Variants in SCN9A observed in about 807,000 individuals in gnomAD.
SCN9A encodes the protein sodium channel protein type 9 subunit alpha.
In SCN9A, 131 loss-of-function variants were observed where a neutral mutation model predicts 187.0. The observed-to-expected ratio is 0.70, with a 90% confidence interval of 0.61 to 0.81. The LOEUF (loss-of-function observed/expected upper bound fraction) is 0.81, where lower values mean the gene tolerates loss of function less well. Among genes scored for constraint, SCN9A ranks in the 30% least tolerant of loss-of-function variants. The pLI, the probability that SCN9A is intolerant of heterozygous loss-of-function variation, is 0.00. For synonymous variants in SCN9A, 809 were observed against 808.6 expected (o/e 1.00, Z -0.01); for missense variants, 2,252 against 2,396.6 (o/e 0.94, Z 1.26).
intron 16 of SCN9A, 134 bp from the exon 17 acceptor site, chr2:166,273,009 C>A: frequency 2.2e-6 from 1 of 458,662 alleles, no homozygotes; most frequent in Non-Finnish European, 3.8e-6. Flanking sequence ...CCTTTTCACA[C>A]ACGGATAAGA....
chr2:166,257,498 A>T (rs1422697608), intron 17 of SCN9A, among the ~76,000 whole-genome samples: 1 of 151,674 alleles, frequency 6.6e-6, no homozygotes, highest in Non-Finnish European at 1.5e-5. Context: ...TAATATTGAA[A>T]ATATAAATAG....
intron 14 of SCN9A, 60 bp from the exon 15 acceptor site, chr2:166,278,373 AT>A: frequency 7.5e-7 from 1 of 1,329,138 alleles, no homozygotes. Context: ...CAACACAATG[AT>A]AATAATCACT....
intron 1 of SCN9A, among the ~76,000 whole-genome samples, chr2:166,374,484 T>TA (rs1183802556): frequency 6.6e-6 from 1 of 152,102 alleles, no homozygotes; most frequent in Non-Finnish European, 1.5e-5. Flanking sequence ...CAATAATTTT[T>TA]AAAAAATCTC....
At chr2:166,225,882 C>T (rs1162792745) in intron 24 of SCN9A, among the ~76,000 whole-genome samples, 2 of 152,066 alleles carry the variant, frequency 1.3e-5, no homozygotes, top group African/African-American at 4.8e-5. Flanking sequence ...AATATATTTT[C>T]TTAGAGGCTT....
intron 26 of SCN9A, among the ~76,000 whole-genome samples, 173 bp from the exon 27 acceptor site, chr2:166,200,037 G>T (rs1693426128): frequency 9.8e-6 from 1 of 102,362 alleles, no homozygotes; most frequent in Non-Finnish European, 1.8e-5. Flanking sequence ...TCGCTCTGTC[G>T]CCCAGGCTGG....
At chr2:166,320,746 C>T (rs533297953) in intron 1 of SCN9A, among the ~76,000 whole-genome samples, 4 of 152,244 alleles carry the variant, frequency 2.6e-5, no homozygotes, top group Non-Finnish European at 5.9e-5. Flanking sequence ...TTATTATCTG[C>T]TGTTTTCCAA....
At chr2:166,228,120 C>T (rs963353088) in intron 22 of SCN9A, among the ~76,000 whole-genome samples, 2 of 151,298 alleles carry the variant, frequency 1.3e-5, no homozygotes, top group Non-Finnish European at 2.9e-5. Flanking sequence ...ATTTTTGAAG[C>T]AATATTTGAA....
At position 166,198,675 on chromosome 2, in the gene SCN9A, T is replaced by G. The variant is rs755454879; in HGVS notation, c.5964A>C (p.Lys1988Asn). The G allele has an allele frequency of 1.3e-6, 2 of 1,585,070 alleles. No homozygotes were observed. Among genetic ancestry groups the G allele is most frequent in the Admixed American group, 3.6e-5 (2 of 54,810 alleles). Reference sequence around the variant, plus strand: ...ACAATATATCAAAAATGAAGCTCTATTTTTTGCTTTCCTTGCTGTCTTTCC... The same window carrying G: ...ACAATATATCAAAAATGAAGCTCTAGTTTTTGCTTTCCTTGCTGTCTTTCC... ...DKGKDSKESKK is the reference protein window; with the variant it reads ...DKGKDSKESKN The change falls in exon 27 of 27, where the codon AAA (lysine) becomes AAC (asparagine). Residue 1988 changes from lysine to asparagine, a missense_variant. Around this residue, in one of 7 missense-constraint regions of SCN9A, gnomAD observed 345 missense variants for 344.6 expected, o/e 1.00. Transcript: ENST00000642356.
Position 166,288,521 on chromosome 2 carries a change from C to T in SCN9A, c.1230G>A (p.Gln410=), listed in dbSNP as rs1209489135. 6.2e-7 allele frequency: 1 copy of T among 1,613,164 alleles called. No individual in the cohort carries two copies. The highest frequency in any genetic ancestry group is 1.3e-5 in the African/African-American group (1 of 74,926). ...VVAMAYEEQN[Q]ANIEEAKQKE... ...TCTGTTTAGCTTCTTCAATGTTTGC[C>T]TGGTTCTGTTCTTCATATGCCATGG... Residue 410 remains glutamine, a synonymous_variant, in exon 10 of 27, where the codon CAG becomes CAA. Transcript: ENST00000642356.
At chr2:166,231,023 A>C (rs925611252) in intron 21 of SCN9A, among the ~76,000 whole-genome samples, 6 of 152,284 alleles carry the variant, frequency 3.9e-5, no homozygotes, top group South Asian at 2.1e-4. Context: ...CTCTTTTTGC[A>C]TGGTTAACAA....
chr2:166,216,275 T>C (rs1694328271), intron 24 of SCN9A, among the ~76,000 whole-genome samples: 1 of 152,044 alleles, frequency 6.6e-6, no homozygotes. Flanking sequence ...ACGGCTAACA[T>C]TATGCAAAAA....
At chr2:166,373,964 A>G (rs918174578) in intron 1 of SCN9A, among the ~76,000 whole-genome samples, 5 of 152,220 alleles carry the variant, frequency 3.3e-5, no homozygotes, top group Admixed American at 2.6e-4. Context: ...TTAAATAAAT[A>G]GAACCCTACT....
intron 18 of SCN9A, among the ~76,000 whole-genome samples, chr2:166,245,961 G>A (rs1695769999): frequency 1.3e-5 from 2 of 151,988 alleles, no homozygotes; most frequent in Admixed American, 1.3e-4. Flanking sequence ...TGATCCAGTT[G>A]ATATAAGGTT....
intron 17 of SCN9A, among the ~76,000 whole-genome samples, chr2:166,257,086 T>C (rs1696311083): frequency 6.6e-6 from 1 of 151,610 alleles, no homozygotes; most frequent in South Asian, 2.1e-4. Context: ...AAAGTGGCCA[T>C]TGATATTCAA....
At chr2:166,203,071 C>T (rs2106344587) in intron 26 of SCN9A, among the ~76,000 whole-genome samples, 1 of 151,630 alleles carries the variant, frequency 6.6e-6, no homozygotes, top group Admixed American at 6.6e-5. Context: ...GAAATTCTCA[C>T]CTAAATTTTA....
intron 18 of SCN9A, 51 bp from the exon 19 acceptor site, chr2:166,242,707 T>C: frequency 7.2e-7 from 1 of 1,387,374 alleles, no homozygotes. Context: ...ATAAATAAAA[T>C]TTTTAATACA....
intron 24 of SCN9A, among the ~76,000 whole-genome samples, chr2:166,226,284 G>A (rs1694837772): frequency 6.6e-6 from 1 of 151,986 alleles, no homozygotes; most frequent in African/African-American, 2.4e-5. Flanking sequence ...TCCTCTATAG[G>A]AAACATTGGA....
rs1179442548 is a variant in SCN9A, at chr2:166,272,623, G to A, written c.3127C>T (p.Leu1043Phe). The A allele has an allele frequency of 1.1e-5, 18 of 1,613,180 alleles. No individual in the cohort carries two copies. The highest frequency in any genetic ancestry group is 2.7e-5 in the African/African-American group (2 of 74,864). ...TTGTGACCTTTGCTCATTTCAGCAA[G>A]TGTATGGTTAGAAATATAGTTTTCC... ...KKENYISNHT[L>F]AEMSKGHNFL... The change falls in exon 17 of 27, where the codon CTT becomes TTT. Residue 1043 changes from leucine (L) to phenylalanine (F), a missense_variant. Leu to Phe is a conservative substitution (Grantham distance 22). Transcript: ENST00000642356.
intron 10 of SCN9A, 75 bp downstream of exon 10, chr2:166,288,362 C>A: frequency 8.8e-7 from 1 of 1,134,126 alleles, no homozygotes; most frequent in Non-Finnish European, 1.3e-6. Flanking sequence ...GAAGGCCAAG[C>A]ATATACCGCA....
Sources: gnomAD v4.1 joint callset for allele counts (sites outside exome capture counted in the v4.1 genomes callset) on GRCh38, gnomAD v4.1.1 for gene constraint, gnomAD v4.1.1 regional missense constraint, MANE v1.5 for transcripts, NCBI Gene and HGNC (gene_info 2026-07-23, HGNC 2026-07-21) for gene names.